The following TJAP1 variants were observed in gnomAD, a reference collection of about 807,000 sequenced individuals.
TJAP1 encodes the protein tight junction associated protein 1, also known as tight junction-associated protein 1.
In TJAP1, 27 loss-of-function variants were observed where a neutral mutation model predicts 42.0. The ratio of observed to expected loss-of-function variants is 0.64; its 90% confidence interval spans 0.47 to 0.89. The LOEUF (loss-of-function observed/expected upper bound fraction) is 0.89, where lower values mean the gene tolerates loss of function less well. Ranked by LOEUF, TJAP1 falls within the 40% of genes least tolerant of loss-of-function variation. The probability of loss-of-function intolerance (pLI) is 0.00; values close to 1 mark genes in which losing one functional copy is unlikely to be tolerated. For missense variants in TJAP1, 712 were observed against 726.9 expected (o/e 0.98, Z 0.24); for synonymous variants, 257 against 288.4 (o/e 0.89, Z 1.10).
In TJAP1 at chr6:43,505,364, C is replaced by G. The variant is rs763770647; in HGVS notation, c.1183C>G (p.Leu395Val). The change falls in exon 11 of 11, where the codon CTA becomes GTA. Residue 395 changes from leucine to valine, a missense_variant. Coordinates refer to ENST00000372449, the Ensembl canonical transcript of TJAP1. The surrounding 1 kb of genome is among the most constrained non-coding windows in gnomAD (Gnocchi z 5.5). ...CCACCACCAGCCCAGCCCAGCACCC[C>G]TAACACTCAGTGCCCCAGCTAGCTC... 3 of 1,609,348 alleles carry G rather than the reference C, an allele frequency of 1.9e-6. No homozygotes were observed. Among genetic ancestry groups the G allele is most frequent in the East Asian group, 2.2e-5 (1 of 44,798 alleles).
chr6:43,501,281 G>A, intron 5 of TJAP1: 1 of 503,616 alleles, frequency 2.0e-6, no homozygotes, highest in East Asian at 3.3e-5. Flanking sequence ...GATAGTGAAG[G>A]GAGGCTGGAC....
rs1561826945 is a variant in TJAP1, at chr6:43,503,511, A to G, written c.495+3A>G. The G allele has an allele frequency of 6.2e-7, 1 of 1,612,814 alleles. No homozygotes were observed. Among genetic ancestry groups the G allele is most frequent in the Non-Finnish European group, 8.5e-7 (1 of 1,178,932 alleles). On this transcript the variant is annotated splice_donor_region_variant and intron_variant, in intron 9 of 10. Transcript: ENST00000372449. ...TCAACAAGCTGGAAGAGCTCAATGT[A>G]TGTGCGCTTCACTACTCGGGCCTTC...
rs761368714 is a variant in TJAP1 at position 43,503,611 on chromosome 6, CTG to C, written c.496-8_496-7del. 1.9e-6 allele frequency: 3 copies of C among 1,613,744 alleles called. No individual in the cohort carries two copies. Among genetic ancestry groups the C allele is most frequent in the Non-Finnish European group, 2.5e-6 (3 of 1,179,764 alleles). Reference sequence around the variant, plus strand: ...GGCTGGGCTGGGCTCTGAAACAGGTCTGTGTCTGTAGGAGCGGTACCGGCTGG... The same window carrying C: ...GGCTGGGCTGGGCTCTGAAACAGGTCTGTCTGTAGGAGCGGTACCGGCTGG... On this transcript the variant is annotated splice_polypyrimidine_tract_variant and intron_variant, in intron 9 of 10. Coordinates refer to ENST00000372449, the Ensembl canonical transcript of TJAP1.
intron 10 of TJAP1, chr6:43,504,426 G>A (rs1332630260): frequency 3.2e-6 from 1 of 308,806 alleles, no homozygotes; most frequent in East Asian, 7.2e-5. Context: ...AGAAGTAGAG[G>A]TATTTCTAAG....
intron 10 of TJAP1, 94 bp downstream of exon 10, chr6:43,503,800 C>G: frequency 8.8e-7 from 1 of 1,140,172 alleles, no homozygotes; most frequent in Non-Finnish European, 1.3e-6. Flanking sequence ...CTCTGTCCTC[C>G]TCTTCCCACT....
rs1316929802 is a variant in TJAP1 at position 43,501,746 on chromosome 6, ACACACACACACACT to A, written c.290+61_290+74del. The A allele has an allele frequency of 3.8e-4, 257 of 681,480 alleles. 1 individual carries two copies. The African/African-American group carries it at 4.8e-3, about 13-fold the overall frequency. The allele number at this position is 681,480 out of a possible 1,614,324, so 42.2% of individuals were successfully genotyped here. On this transcript the variant is annotated intron_variant, in intron 6 of 10. Coordinates refer to ENST00000372449, the Ensembl canonical transcript of TJAP1. ...CACACACACACACACACACACACAC[ACACACACACACACT>A]CTCTCTGTCTCTCTCTCTCTCTGTG... is the stretch of plus-strand genomic sequence containing the variant.
exon 11 of TJAP1, chr6:43,504,895 G>A (rs141660672): frequency 2.9e-4 from 463 of 1,614,208 alleles, no homozygotes; most frequent in Non-Finnish European, 3.8e-4. Flanking sequence ...TGTTAGAGAA[G>A]CCGGAGTCTC....
intron 10 of TJAP1, chr6:43,503,984 A>G (rs757572635): frequency 1.2e-5 from 8 of 655,544 alleles, no homozygotes; most frequent in South Asian, 9.1e-5. Context: ...AGTCAGAGCT[A>G]TCTGCCCAAA....
chr6:43,496,108 C>A (rs1281011863), intron 2 of TJAP1, among the ~76,000 whole-genome samples: 3 of 152,018 alleles, frequency 2.0e-5, no homozygotes. Flanking sequence ...GGAGCTGGGA[C>A]CTGGACCCTC....
rs1173852298 is a variant in TJAP1 at position 43,505,991 on chromosome 6, G to A, written c.*136G>A. 1 of 980,890 alleles carries A rather than the reference G, an allele frequency of 1.0e-6. No individual in the cohort carries two copies. Among genetic ancestry groups the A allele is most frequent in the Non-Finnish European group, 1.4e-6 (1 of 735,044 alleles). 60.8% of individuals were successfully genotyped at this position (980,890 alleles called of 1,614,324 possible). A position where few individuals can be genotyped will look rare whatever the true frequency, so the allele number is the denominator to read the frequency against. On this transcript the variant is annotated 3_prime_UTR_variant, in exon 11 of 11. Transcript: ENST00000372449. The surrounding 1 kb of genome is among the most constrained non-coding windows in gnomAD (Gnocchi z 5.5). ...CGCACAGCTGTTTCCTGTGTGGATG[G>A]GGTCAGGTTGTGGGCCATGCCAGGC...
At chr6:43,506,497 TTG>T (rs549334457) in exon 11 of TJAP1, 309 of 152,860 alleles carry the variant, frequency 2.0e-3, no homozygotes, top group South Asian at 0.012. Context: ...CTCTTAAGCT[TTG>T]AGAAATTTTC....
chr6:43,479,747 G>A (rs989900471), intron 2 of TJAP1, among the ~76,000 whole-genome samples: 8 of 152,178 alleles, frequency 5.3e-5, no homozygotes, highest in African/African-American at 1.9e-4. Flanking sequence ...CGAGGCAGGC[G>A]GATCACGAGG....
intron 2 of TJAP1, among the ~76,000 whole-genome samples, chr6:43,478,461 G>T (rs1316570284): frequency 1.3e-5 from 2 of 152,198 alleles, no homozygotes; most frequent in Admixed American, 1.3e-4. Flanking sequence ...AGTAAACCTG[G>T]ACAGAGGCCT....
Position 43,501,533 on chromosome 6 carries a change from C to T in TJAP1, c.136C>T (p.Gln46Ter), listed in dbSNP as rs753448258. Reference sequence around the variant, plus strand: ...CCCACAACACCCTGCCAGGCTCTTACAGGAGGAGAATGAAGAGCTTCGCCG... The same window carrying T: ...CCCACAACACCCTGCCAGGCTCTTATAGGAGGAGAATGAAGAGCTTCGCCG... Residue 46 changes from glutamine to a stop codon, truncating the protein, a stop_gained, in exon 6 of 11, where the codon CAG (glutamine) becomes TAG (stop). Transcript: ENST00000372449. LOFTEE classifies it high-confidence loss of function. 2.5e-6 allele frequency: 4 copies of T among 1,613,224 alleles called. No homozygotes were observed. Among genetic ancestry groups the T allele is most frequent in the African/African-American group, 1.3e-5 (1 of 75,010 alleles).
Position 43,486,443 on chromosome 6 carries a change from C to T in TJAP1, c.-122+8211C>T, listed in dbSNP as rs1237648377. Among the ~76,000 whole-genome samples, 20 of 150,348 alleles carry T rather than the reference C, an allele frequency of 1.3e-4. No individual in the cohort carries two copies. The Admixed American group carries it at 1.3e-3, about 10-fold the overall frequency. Reference sequence around the variant, plus strand: ...CGATCCCTGCTCACTGCAACCTCTGCCTCCTGGGTTTAAGCAATTCTCCTG... The same window carrying T: ...CGATCCCTGCTCACTGCAACCTCTGTCTCCTGGGTTTAAGCAATTCTCCTG... On this transcript the variant is annotated intron_variant, in intron 2 of 10. Coordinates refer to ENST00000372449, the Ensembl canonical transcript of TJAP1.
chr6:43,498,959 C>G lies in TJAP1; in HGVS notation c.-24-19C>G, dbSNP rs1562268643. On this transcript the variant is annotated intron_variant, in intron 3 of 10. Transcript: ENST00000372449. ...TCTGGCCACATCTCTGAGCCTGCCTCCTTCTTGCTTCTCAGCAGGCGGAGG... is the reference window on the plus strand; with the variant it reads ...TCTGGCCACATCTCTGAGCCTGCCTGCTTCTTGCTTCTCAGCAGGCGGAGG... The G allele has an allele frequency of 1.2e-6, 2 of 1,609,138 alleles. No individual in the cohort carries two copies. The highest frequency in any genetic ancestry group is 2.2e-5 in the South Asian group (2 of 90,674).
At chr6:43,489,666 C>T (rs1005481381) in intron 2 of TJAP1, 1 of 152,222 alleles carries the variant, frequency 6.6e-6, no homozygotes, top group African/African-American at 2.4e-5. Context: ...CTCCAACAGC[C>T]GTCCTCTCTT....
chr6:43,481,525 A>G (rs1370590817), intron 2 of TJAP1, among the ~76,000 whole-genome samples: 1 of 146,352 alleles, frequency 6.8e-6, no homozygotes, highest in Non-Finnish European at 1.5e-5. Context: ...GTCTTTCCTG[A>G]ATAAAATTAA....
rs1283257761 is a variant in TJAP1 at position 43,501,742 on chromosome 6, ACACACACACACACACACTCT to A, written c.290+57_290+76del. ...CACACACACACACACACACACACAC[ACACACACACACACACACTCT>A]CTCTGTCTCTCTCTCTCTCTGTGTC... On this transcript the variant is annotated intron_variant, in intron 6 of 10. Transcript: ENST00000372449. 14 of 691,074 alleles carry A rather than the reference ACACACACACACACACACTCT, an allele frequency of 2.0e-5. No homozygotes were observed. The African/African-American group carries it at 2.5e-4, about 12-fold the overall frequency. The allele number at this position is 691,074 out of a possible 1,614,324, so 42.8% of individuals were successfully genotyped here. A position where few individuals can be genotyped will look rare whatever the true frequency, so the allele number is the denominator to read the frequency against.
Sources: allele counts gnomAD v4.1 joint callset (sites outside exome capture counted in the v4.1 genomes callset), GRCh38; gene constraint gnomAD v4.1.1; non-coding constraint Gnocchi (gnomAD v3.1); transcripts MANE v1.5; gene names NCBI Gene and HGNC (gene_info 2026-07-23, HGNC 2026-07-21).